The following UNC5D variants were observed in gnomAD, a reference collection of about 807,000 sequenced individuals.
UNC5D encodes netrin receptor UNC5D.
A neutral mutation model predicts 105.4 loss-of-function variants in UNC5D; 39 were observed. That is an observed-to-expected ratio of 0.37 (90% confidence interval 0.29 to 0.48). UNC5D has a LOEUF of 0.48. Ranked by LOEUF, UNC5D falls within the 20% of genes least tolerant of loss-of-function variation. The pLI is 0.98. For missense variants in UNC5D, 991 were observed against 1,202.4 expected (o/e 0.82, Z 2.60); for synonymous variants, 452 against 450.4 (o/e 1.00, Z -0.04).
chr8:35,705,200 G>A (rs953561918), intron 7 of UNC5D, among the ~76,000 whole-genome samples: 3 of 152,034 alleles, frequency 2.0e-5, no homozygotes, highest in Non-Finnish European at 4.4e-5. Flanking sequence ...TCCTGACCTC[G>A]TGATCCGCCC....
chr8:35,428,469 A>G (rs1426377838), intron 1 of UNC5D, among the ~76,000 whole-genome samples: 1 of 148,572 alleles, frequency 6.7e-6, no homozygotes, highest in African/African-American at 2.5e-5. Context: ...TATAGGTGTG[A>G]GCCACTGCCC....
At chr8:35,660,654 A>T (rs531422535) in intron 4 of UNC5D, among the ~76,000 whole-genome samples, 1 of 152,200 alleles carries the variant, frequency 6.6e-6, no homozygotes, top group Non-Finnish European at 1.5e-5. Context: ...GCAGAGTTGT[A>T]CCTATATGTA....
Position 35,586,732 on chromosome 8 carries a change from T to C in UNC5D, c.467-8822T>C, listed in dbSNP as rs534712890. Among the ~76,000 whole-genome samples the C allele has an allele frequency of 9.2e-5, 14 of 152,334 alleles. No homozygotes were observed. The South Asian group carries it at 2.7e-3, about 29-fold the overall frequency. ...ACATCATTCCATCCTCCTGGAATCT[T>C]AACAAATGGCTTTGACTATGACTAT... On this transcript the variant is annotated intron_variant, in intron 3 of 16. Transcript: ENST00000404895.
chr8:35,767,905 TAG>T lies in UNC5D; in HGVS notation c.2478+841_2478+842del, dbSNP rs561484424. On this transcript the variant is annotated intron_variant, in intron 15 of 16. Transcript: ENST00000404895. ...TCCTGAATGGGATAGAGGGAGAGAT[TAG>T]AAGAGGGATTGTGATGCTTTTGTTT... is the stretch of plus-strand genomic sequence containing the variant. Among the ~76,000 whole-genome samples the T allele has an allele frequency of 1.8e-3, 278 of 152,182 alleles. 1 individual carries two copies. The highest frequency in any genetic ancestry group is 2.2e-3 in the Non-Finnish European group (147 of 68,004).
chr8:35,754,401 T>C (rs1830420783), intron 13 of UNC5D, among the ~76,000 whole-genome samples: 1 of 152,240 alleles, frequency 6.6e-6, no homozygotes. Flanking sequence ...GCATCTTTCA[T>C]ATCTCAAAGA....
At chr8:35,361,141 T>C (rs997757052) in intron 1 of UNC5D, among the ~76,000 whole-genome samples, 9 of 152,082 alleles carry the variant, frequency 5.9e-5, no homozygotes, top group African/African-American at 1.4e-4. Flanking sequence ...GTTGCAAATA[T>C]TAAACAAGGT....
At chr8:35,417,997 G>T (rs1449984970) in intron 1 of UNC5D, among the ~76,000 whole-genome samples, 2 of 152,104 alleles carry the variant, frequency 1.3e-5, no homozygotes, top group Non-Finnish European at 2.9e-5. Flanking sequence ...CAGTGCTTAG[G>T]TGAGCTAGTT....
At chr8:35,474,388 G>T (rs1809940689) in intron 1 of UNC5D, among the ~76,000 whole-genome samples, 1 of 152,158 alleles carries the variant, frequency 6.6e-6, no homozygotes, top group Admixed American at 6.5e-5. Flanking sequence ...AACATCAGAA[G>T]ATAATACTTT....
intron 1 of UNC5D, among the ~76,000 whole-genome samples, chr8:35,403,674 G>T (rs1194824435): frequency 6.6e-6 from 1 of 152,164 alleles, no homozygotes; most frequent in African/African-American, 2.4e-5. Flanking sequence ...AGATTTGGGA[G>T]CATTTTGGAC....
chr8:35,674,446 A>ACAT (rs1825060129), intron 4 of UNC5D, among the ~76,000 whole-genome samples: 1 of 152,134 alleles, frequency 6.6e-6, no homozygotes, highest in African/African-American at 2.4e-5. Context: ...AAGGTACTTA[A>ACAT]CATCTGTGTT....
chr8:35,661,301 T>G (rs931754885), intron 4 of UNC5D, among the ~76,000 whole-genome samples: 8 of 152,002 alleles, frequency 5.3e-5, no homozygotes, highest in African/African-American at 1.9e-4. Context: ...GTTGAAATAA[T>G]GGGAAGTCCT....
At chr8:35,735,615 T>C (rs751262860) in intron 11 of UNC5D, among the ~76,000 whole-genome samples, 2 of 152,122 alleles carry the variant, frequency 1.3e-5, no homozygotes, top group Non-Finnish European at 2.9e-5. Flanking sequence ...ATGGCTTTAA[T>C]AGCAAGGCAT....
At chr8:35,558,126 CAA>C (rs34368244) in intron 2 of UNC5D, among the ~76,000 whole-genome samples, 133 of 84,172 alleles carry the variant, frequency 1.6e-3, no homozygotes, top group South Asian at 1.7e-3. Context: ...AACTTCGTCT[CAA>C]AAAAAAAAAA....
At chr8:35,388,599 A>G (rs143823342) in intron 1 of UNC5D, among the ~76,000 whole-genome samples, 1 of 152,338 alleles carries the variant, frequency 6.6e-6, no homozygotes, top group East Asian at 1.9e-4. Context: ...ACGGGCAAGT[A>G]CATAGTATGG....
intron 1 of UNC5D, among the ~76,000 whole-genome samples, chr8:35,401,493 A>G (rs1304080204): frequency 6.6e-6 from 1 of 152,198 alleles, no homozygotes; most frequent in East Asian, 1.9e-4. Context: ...CAAAAAGGGA[A>G]GGAAGCTGGG....
chr8:35,737,030 G>A (rs1312973906), intron 11 of UNC5D, among the ~76,000 whole-genome samples: 1 of 152,064 alleles, frequency 6.6e-6, no homozygotes, highest in Admixed American at 6.6e-5. Context: ...CCCTCCTTGA[G>A]AGCACAGTGA....
chr8:35,621,295 C>T (rs557541931), intron 4 of UNC5D, among the ~76,000 whole-genome samples: 7 of 152,246 alleles, frequency 4.6e-5, no homozygotes, highest in South Asian at 2.1e-4. Context: ...CCTGTGAGCC[C>T]GGGATCACAG....
In UNC5D at chr8:35,307,783, A is replaced by G. The variant is rs1919338; in HGVS notation, c.103+71896A>G. On this transcript the variant is annotated intron_variant, in intron 1 of 16. Transcript: ENST00000404895. ...GATAGAATTGACCTTGCCTTCCTAC[A>G]CATGCATATGGAAATGCCACGCAGG... 3.0e-3 allele frequency among the ~76,000 whole-genome samples: 457 copies of G among 152,260 alleles called. 14 individuals are homozygous for G. Among genetic ancestry groups the G allele is most frequent in the Admixed American group, 0.024 (360 of 15,282 alleles).
At chr8:35,364,633 T>C (rs1187331700) in intron 1 of UNC5D, among the ~76,000 whole-genome samples, 1 of 152,168 alleles carries the variant, frequency 6.6e-6, no homozygotes, top group African/African-American at 2.4e-5. Context: ...GACTAGAAAA[T>C]GTATGTACAT....
Sources: allele counts gnomAD v4.1 joint callset (sites outside exome capture counted in the v4.1 genomes callset), GRCh38; gene constraint gnomAD v4.1.1; transcripts MANE v1.5; gene names NCBI Gene and HGNC (gene_info 2026-07-23, HGNC 2026-07-21).